RBMS2: variants seen among roughly 807,000 people sequenced by gnomAD.
RBMS2 encodes RNA-binding motif, single-stranded-interacting protein 2.
Under a neutral mutation model 58.4 loss-of-function variants are expected in RBMS2, and 38 were observed. The observed-to-expected ratio is 0.65, with a 90% CI of 0.50 to 0.85. RBMS2 has a LOEUF of 0.85. RBMS2 is among the 40% of genes least tolerant of loss of function. The pLI, the probability that RBMS2 is intolerant of heterozygous loss-of-function variation, is 0.00. For missense variants in RBMS2, 367 were observed against 503.7 expected, an observed-to-expected ratio of 0.73 and a Z score of 2.60; for synonymous variants, 151 against 180.7, an observed-to-expected ratio of 0.84 and a Z score of 1.32.
chr12:56,539,422 C>T (rs1875655524), intron 1 of RBMS2, among the ~76,000 whole-genome samples: 1 of 152,248 alleles, frequency 6.6e-6, no homozygotes, highest in South Asian at 2.1e-4. Flanking sequence ...AACCCCGTGC[C>T]CTTATGTTCC....
intron 1 of RBMS2, among the ~76,000 whole-genome samples, chr12:56,534,939 C>A (rs1016713879): frequency 2.0e-5 from 3 of 152,168 alleles, no homozygotes; most frequent in Non-Finnish European, 4.4e-5. Context: ...CGGCGCCCAG[C>A]CCCAGTAAAT....
chr12:56,555,312 T>A (rs1328651286), intron 1 of RBMS2, among the ~76,000 whole-genome samples: 11 of 151,920 alleles, frequency 7.2e-5, no homozygotes, highest in Non-Finnish European at 8.8e-5. Flanking sequence ...TGGTGGCACA[T>A]GCCTGTAATC....
intron 9 of RBMS2, among the ~76,000 whole-genome samples, chr12:56,584,610 G>C (rs7298906): frequency 0.93 from 141,301 of 151,692 alleles, 66,353 homozygotes; most frequent in East Asian, 1. Flanking sequence ...ACAGTGAAAC[G>C]CCGTCTCTAC....
chr12:56,536,286 G>A (rs1028567367), intron 1 of RBMS2, among the ~76,000 whole-genome samples: 3 of 151,094 alleles, frequency 2.0e-5, no homozygotes, highest in African/African-American at 4.9e-5. Context: ...AGTTCTGCCC[G>A]GCTAATTTTT....
chr12:56,589,039 G>T (rs369103765), intron 13 of RBMS2, 21 bp downstream of exon 13: 419 of 1,613,792 alleles, frequency 2.6e-4, no homozygotes, highest in Non-Finnish European at 3.5e-4. Flanking sequence ...CATGCTGGGG[G>T]GCAGGGAGGG....
intron 1 of RBMS2, among the ~76,000 whole-genome samples, chr12:56,561,422 C>A (rs1880366466): frequency 6.6e-6 from 1 of 152,182 alleles, no homozygotes; most frequent in Non-Finnish European, 1.5e-5. Context: ...ACCTCATAAC[C>A]TCACTAGCAT....
At chr12:56,548,756 C>A (rs1207129905) in intron 1 of RBMS2, among the ~76,000 whole-genome samples, 1 of 152,110 alleles carries the variant, frequency 6.6e-6, no homozygotes, top group Non-Finnish European at 1.5e-5. Flanking sequence ...TAACATGATA[C>A]ACAATTAGCA....
chr12:56,588,474 T>A, intron 12 of RBMS2, 100 bp downstream of exon 12: 2 of 1,107,084 alleles, frequency 1.8e-6, no homozygotes, highest in South Asian at 1.3e-5. Flanking sequence ...GCTGATTCTG[T>A]GTTCACAAAT....
At position 56,546,827 on chromosome 12, in the gene RBMS2, C is replaced by T. The variant is rs1356392405; in HGVS notation, c.67-15590C>T. Among the ~76,000 whole-genome samples the T allele has an allele frequency of 2.0e-5, 3 of 152,140 alleles. No homozygotes were observed. In the East Asian group the frequency reaches 5.8e-4, roughly 29 times the overall value. On this transcript the variant is annotated intron_variant, in intron 1 of 13. Coordinates refer to ENST00000262031, the MANE Select transcript of RBMS2 (RefSeq NM_002898.4). ...ATACCTAGCAGTGGAGTTGCTAGGT[C>T]ACATGGTAACTTTATGCTTTAAACA...
intron 1 of RBMS2, among the ~76,000 whole-genome samples, chr12:56,560,191 G>A (rs1314079820): frequency 6.7e-6 from 1 of 149,330 alleles, no homozygotes; most frequent in Non-Finnish European, 1.5e-5. Flanking sequence ...CACCGTACCC[G>A]GCCATAGGTC....
intron 1 of RBMS2, among the ~76,000 whole-genome samples, chr12:56,546,069 G>A (rs1877118335): frequency 6.7e-6 from 1 of 149,218 alleles, no homozygotes; most frequent in African/African-American, 2.5e-5. Context: ...CCGAGTAGTT[G>A]GGATTACAGG....
chr12:56,560,218 C>A (rs1441865240), intron 1 of RBMS2, among the ~76,000 whole-genome samples: 1 of 149,114 alleles, frequency 6.7e-6, no homozygotes, highest in Admixed American at 6.7e-5. Context: ...TTCTTGACTG[C>A]GTTTTATCTT....
At chr12:56,564,909 C>T (rs981167257) in intron 2 of RBMS2, among the ~76,000 whole-genome samples, 4 of 152,034 alleles carry the variant, frequency 2.6e-5, no homozygotes, top group South Asian at 2.1e-4. Context: ...AGAAAGCAGA[C>T]GTTGCAGTGA....
chr12:56,594,067 A>G lies in RBMS2; in HGVS notation c.*4934A>G, dbSNP rs1353335867. The stretch of plus-strand genomic sequence containing the variant: ...GTTTTCCTTTCCTAACTTGACAATC[A>G]GCTCACTCACCCTCCCTTAGTGCCT... On this transcript the variant is annotated 3_prime_UTR_variant, in exon 14 of 14. Coordinates refer to ENST00000262031, the MANE Select transcript of RBMS2 (RefSeq NM_002898.4). The G allele has an allele frequency of 6.6e-6, 1 of 152,256 alleles. No homozygotes were observed. Among genetic ancestry groups the G allele is most frequent in the Non-Finnish European group, 1.5e-5 (1 of 68,108 alleles). 9.4% of individuals were successfully genotyped at this position (152,256 alleles called of 1,614,324 possible).
intron 12 of RBMS2, 115 bp downstream of exon 12, chr12:56,588,489 G>A: frequency 1.0e-6 from 1 of 999,932 alleles, no homozygotes; most frequent in Non-Finnish European, 1.6e-6. Flanking sequence ...ACAAATAGCT[G>A]GTAGGTATAC....
chr12:56,570,077 A>C (rs764780489), intron 4 of RBMS2, 87 bp downstream of exon 4: 1 of 1,285,536 alleles, frequency 7.8e-7, no homozygotes, highest in South Asian at 1.2e-5. Context: ...AGGGCTTAAG[A>C]ACCATGAAAT....
chr12:56,569,846 T>C (rs938166244), intron 3 of RBMS2, 53 bp from the exon 4 acceptor site: 4 of 1,459,722 alleles, frequency 2.7e-6, no homozygotes, highest in Non-Finnish European at 2.9e-6. Context: ...AGCCTGGACC[T>C]CTCTGTTCCT....
Position 56,558,590 on chromosome 12 carries a change from C to CTTT in RBMS2, c.67-3813_67-3811dup, listed in dbSNP as rs10676323. On this transcript the variant is annotated intron_variant, in intron 1 of 13. Transcript: ENST00000262031. The stretch of plus-strand genomic sequence containing the variant: ...CTTCTTTCCTTCCTTTTTCTTTTTC[C>CTTT]TTTTTTTTTTTTTTTTGAGACAGAA... 3.6e-3 allele frequency among the ~76,000 whole-genome samples: 332 copies of CTTT among 92,220 alleles called. 33 individuals carry two copies. Among genetic ancestry groups the CTTT allele is most frequent in the Non-Finnish European group, 4.1e-3 (209 of 51,050 alleles). 60.5% of individuals were successfully genotyped at this position (92,220 alleles called of 152,430 possible).
chr12:56,584,822 CTT>C (rs373639334), intron 9 of RBMS2, among the ~76,000 whole-genome samples: 14 of 129,946 alleles, frequency 1.1e-4, no homozygotes, highest in South Asian at 2.4e-4. Context: ...AACTTCTTGT[CTT>C]TTTTTTTTTT....
Sources: allele counts gnomAD v4.1 joint callset (sites outside exome capture counted in the v4.1 genomes callset), GRCh38; gene constraint gnomAD v4.1.1; transcripts MANE v1.5; gene names NCBI Gene and HGNC (gene_info 2026-07-23, HGNC 2026-07-21).